FCRL3: variants seen among roughly 807,000 people sequenced by gnomAD.
The protein encoded by FCRL3 is Fc receptor-like protein 3.
In FCRL3, 89 loss-of-function variants were observed where a neutral mutation model predicts 75.0. That is an observed-to-expected ratio of 1.19 (90% confidence interval 1.00 to 1.42). The LOEUF is 1.42. Ranked by LOEUF, FCRL3 falls within the 40% of genes most tolerant of loss-of-function variation. The pLI is 0.00. For missense variants in FCRL3, 946 were observed against 880.0 expected (o/e 1.07, Z -0.95); for synonymous variants, 376 against 348.5 (o/e 1.08, Z -0.88).
Position 157,677,433 on chromosome 1 carries a change from G to A in FCRL3, c.*1277C>T. Reference sequence around the variant, plus strand: ...AGGCCTAGAATTGGCAACATTCAGAGATTAATGTTAATATAATCTCAGTTG... The same window carrying A: ...AGGCCTAGAATTGGCAACATTCAGAAATTAATGTTAATATAATCTCAGTTG... On this transcript the variant is annotated 3_prime_UTR_variant, in exon 15 of 15. Transcript: ENST00000368184. The A allele has an allele frequency of 2.0e-6, 2 of 985,482 alleles. No individual in the cohort carries two copies. The highest frequency in any genetic ancestry group is 2.3e-4 in the East Asian group (2 of 8,814). 61.0% of individuals were successfully genotyped at this position (985,482 alleles called of 1,614,324 possible).
At chr1:157,681,829 C>G (rs1432814427) in intron 11 of FCRL3, among the ~76,000 whole-genome samples, 1 of 152,132 alleles carries the variant, frequency 6.6e-6, no homozygotes, top group Non-Finnish European at 1.5e-5. Flanking sequence ...CTGACTTCCA[C>G]AATGGTTGAA....
chr1:157,679,571 C>T (rs2101583736), intron 13 of FCRL3, among the ~76,000 whole-genome samples: 1 of 151,954 alleles, frequency 6.6e-6, no homozygotes, highest in South Asian at 2.1e-4. Context: ...ATTTGTGCAG[C>T]CAATAAGCAA....
intron 9 of FCRL3, 32 bp downstream of exon 9, chr1:157,690,223 T>G (rs1655427592): frequency 6.2e-7 from 1 of 1,607,906 alleles, no homozygotes. Flanking sequence ...TTACCATAAC[T>G]GTGACCTCTA....
At position 157,679,828 on chromosome 1, in the gene FCRL3, C is replaced by CAAAAA. The variant is rs879258382; in HGVS notation, c.2027-856_2027-855insTTTTT. Among the ~76,000 whole-genome samples the CAAAAA allele has an allele frequency of 3.3e-3, 92 of 27,918 alleles. 4 individuals are homozygous for CAAAAA. The highest frequency in any genetic ancestry group is 7.6e-3 in the South Asian group (2 of 264). The allele number at this position is 27,918 out of a possible 152,430, so 18.3% of individuals were successfully genotyped here. A position where few individuals can be genotyped will look rare whatever the true frequency, so the allele number is the denominator to read the frequency against. ...TGGGCGACAGAACGAGACCCCATCT[C>CAAAAA]ACAAAAAAAAAAAAAAAAAAAAAAA... is the stretch of plus-strand genomic sequence containing the variant. On this transcript the variant is annotated intron_variant, in intron 13 of 14. Transcript: ENST00000368184.
In FCRL3 at chr1:157,697,304, G is replaced by A. The variant is rs559562792; in HGVS notation, c.680C>T (p.Ser227Phe). Residue 227 changes from serine (S) to phenylalanine (F), a missense_variant, in exon 6 of 15, where the codon TCC (serine) becomes TTC (phenylalanine). Ser to Phe is a radical substitution (Grantham distance 155, BLOSUM62 -2). Transcript: ENST00000368184. Reference protein sequence around the residue: ...PQRPDVQLQFSLFRDSQTLGL... With the variant: ...PQRPDVQLQFFLFRDSQTLGL... Reference sequence around the variant, plus strand: ...GAGGGTCTGGCTATCTCTGAAGAGGGAGAATTGCAGCTGGACATCTGGCCT... The same window carrying A: ...GAGGGTCTGGCTATCTCTGAAGAGGAAGAATTGCAGCTGGACATCTGGCCT... The A allele has an allele frequency of 6.2e-7, 1 of 1,612,716 alleles. No homozygotes were observed. Among genetic ancestry groups the A allele is most frequent in the South Asian group, 1.1e-5 (1 of 90,824 alleles).
At chr1:157,695,889 C>A (rs894196134) in intron 7 of FCRL3, 151 bp downstream of exon 7, 37 of 511,120 alleles carry the variant, frequency 7.2e-5, no homozygotes, top group African/African-American at 6.9e-4. Flanking sequence ...TTAAATATCT[C>A]TCTCTCTCTC....
chr1:157,689,858 T>G lies in FCRL3; in HGVS notation c.1750A>C (p.Ile584Leu). 1 of 1,614,196 alleles carries G rather than the reference T, an allele frequency of 6.2e-7. No homozygotes were observed. Among genetic ancestry groups the G allele is most frequent in the Non-Finnish European group, 8.5e-7 (1 of 1,180,016 alleles). The change falls in exon 10 of 15, where the codon ATC becomes CTC. Residue 584 changes from isoleucine to leucine, a missense_variant. Transcript: ENST00000368184. ...GCAGCAGCAGCAGCAAGGACGAGGA[T>G]GCTGAGCACCAGCCCCGTGATTCCC... ...AAGITGLVLS[I>L]LVLAAAAALL...
rs577747260 is a variant in FCRL3, at chr1:157,697,341, G to C, written c.643C>G (p.Leu215Val). ...TGGACATCTGGCCTCTGTGGAGAGA[G>C]CTGGGTCTCACAGGTCAGGGTCATG... is the stretch of plus-strand genomic sequence containing the variant. ...SPMTLTCETQ[L>V]SPQRPDVQLQ... The change falls in exon 6 of 15, where the codon CTC becomes GTC. Residue 215 changes from leucine (L) to valine (V), a missense_variant. Coordinates refer to ENST00000368184, the MANE Select transcript of FCRL3 (RefSeq NM_052939.4). 3.8e-4 allele frequency: 619 copies of C among 1,611,014 alleles called. 3 individuals carry two copies. The South Asian group carries it at 6.4e-3, about 17-fold the overall frequency.
intron 7 of FCRL3, 141 bp from the exon 8 acceptor site, chr1:157,695,748 A>G: frequency 9.5e-7 from 1 of 1,055,548 alleles, no homozygotes; most frequent in Non-Finnish European, 1.3e-6. Context: ...CTTATCTAAC[A>G]ATCAGAAGCA....
chr1:157,698,343 C>T, intron 4 of FCRL3, 41 bp downstream of exon 4: 4 of 1,610,436 alleles, frequency 2.5e-6, no homozygotes, highest in Non-Finnish European at 3.4e-6. Context: ...AGGCATTCTG[C>T]CTGGTGGCTT....
intron 7 of FCRL3, chr1:157,695,821 C>T (rs919856776): frequency 1.7e-5 from 12 of 707,010 alleles, no homozygotes; most frequent in Admixed American, 3.0e-5. Flanking sequence ...TCAGTCTTCC[C>T]CGCAAGAAGT....
In FCRL3 at chr1:157,695,320, C is replaced by A; in HGVS notation, c.1411+9G>T. 2 of 1,609,708 alleles carry A rather than the reference C, an allele frequency of 1.2e-6. No homozygotes were observed. Among genetic ancestry groups the A allele is most frequent in the Non-Finnish European group, 8.5e-7 (1 of 1,177,534 alleles). On this transcript the variant is annotated intron_variant, in intron 8 of 14. Transcript: ENST00000368184. The stretch of plus-strand genomic sequence containing the variant: ...TGGCTGTTAACTGCTGTGGGTATAT[C>A]TTGCTTACCTGTGACCCTGAGACTC...
Position 157,698,441 on chromosome 1 carries a change from G to C in FCRL3, c.241C>G (p.Gln81Glu). 6.2e-7 allele frequency: 1 copy of C among 1,614,024 alleles called. No individual in the cohort carries two copies. The change falls in exon 4 of 15, where the codon CAA (glutamine) becomes GAA (glutamate). Residue 81 changes from glutamine (Q) to glutamate (E), a missense_variant. Physicochemically the swap from Gln to Glu is conservative, Grantham distance 29 (BLOSUM62 2). Transcript: ENST00000368184. Reference protein sequence around the residue: ...KIQITEPGNYQCKTRGSSLSD... With the variant: ...KIQITEPGNYECKTRGSSLSD... ...AGGGAGGATCCTCGGGTCTTACATT[G>C]GTAATTTCCAGGCTCTGTAATTTGG... is the stretch of plus-strand genomic sequence containing the variant.
intron 3 of FCRL3, among the ~76,000 whole-genome samples, chr1:157,699,371 A>T (rs932690087): frequency 2.6e-5 from 4 of 152,218 alleles, no homozygotes; most frequent in Non-Finnish European, 5.9e-5. Context: ...TAGCTTGGAC[A>T]TTCAGAGGGA....
At chr1:157,696,910 A>G (rs1299233825) in intron 6 of FCRL3, 1 of 361,458 alleles carries the variant, frequency 2.8e-6, no homozygotes, top group African/African-American at 2.1e-5. Context: ...CATCTCTGTA[A>G]CCCCATAGGG....
intron 3 of FCRL3, 136 bp from the exon 4 acceptor site, chr1:157,698,765 A>T: frequency 1.2e-6 from 1 of 810,406 alleles, no homozygotes. Context: ...ATTGAGCAGA[A>T]ATAACCTAGG....
At chr1:157,681,428 T>C (rs1654841716) in intron 11 of FCRL3, among the ~76,000 whole-genome samples, 1 of 118,906 alleles carries the variant, frequency 8.4e-6, no homozygotes, top group Non-Finnish European at 1.6e-5. Flanking sequence ...GAGTGTGATG[T>C]TCCCCTTCCT....
chr1:157,678,060 G>T lies in FCRL3; in HGVS notation c.*650C>A. The T allele has an allele frequency of 1.0e-6, 1 of 985,610 alleles. No individual in the cohort carries two copies. Among genetic ancestry groups the T allele is most frequent in the Non-Finnish European group, 1.2e-6 (1 of 830,116 alleles). The allele number at this position is 985,610 out of a possible 1,614,324, so 61.1% of individuals were successfully genotyped here. ...ATTAATGTGATTCTTCACACATAAGGTCTTTGCAGTGGGGATACAAGTCAC... is the reference window on the plus strand; with the variant it reads ...ATTAATGTGATTCTTCACACATAAGTTCTTTGCAGTGGGGATACAAGTCAC... On this transcript the variant is annotated 3_prime_UTR_variant, in exon 15 of 15. Transcript: ENST00000368184.
At chr1:157,688,407 T>A (rs1655307783) in intron 10 of FCRL3, among the ~76,000 whole-genome samples, 1 of 152,104 alleles carries the variant, frequency 6.6e-6, no homozygotes, top group Non-Finnish European at 1.5e-5. Flanking sequence ...CTTATCCACC[T>A]AATAATGAGC....
Sources: allele counts gnomAD v4.1 joint callset (sites outside exome capture counted in the v4.1 genomes callset), GRCh38; gene constraint gnomAD v4.1.1; transcripts MANE v1.5; gene names NCBI Gene and HGNC (gene_info 2026-07-23, HGNC 2026-07-21).